The following SH3BP5 variants were observed in gnomAD, a reference collection of about 807,000 sequenced individuals.
SH3BP5 encodes the protein SH3 domain binding protein 5, also known as SH3 domain-binding protein 5.
Under a neutral mutation model 43.3 loss-of-function variants are expected in SH3BP5, and 22 were observed. The ratio of observed to expected loss-of-function variants is 0.51; its 90% CI spans 0.36 to 0.73. The LOEUF (loss-of-function observed/expected upper bound fraction) is 0.73. SH3BP5 is among the 30% of genes least tolerant of loss of function. The pLI is 0.00. For missense variants in SH3BP5, 529 were observed against 586.9 expected (o/e 0.90, Z 1.02); for synonymous variants, 255 against 225.8 (o/e 1.13, Z -1.16).
At chr3:15,257,736 A>G (rs1696270528) in intron 7 of SH3BP5, 1 of 152,296 alleles carries the variant, frequency 6.6e-6, no homozygotes, top group South Asian at 2.1e-4. Context: ...AGGCCCAGAC[A>G]CATGTTATTC....
chr3:15,260,685 T>A (rs1330710320), intron 5 of SH3BP5: 1 of 152,112 alleles, frequency 6.6e-6, no homozygotes, highest in Non-Finnish European at 1.5e-5. Flanking sequence ...TGAATGGGCA[T>A]CGGAGGGCAC....
chr3:15,327,598 T>C (rs188196358), intron 2 of SH3BP5, among the ~76,000 whole-genome samples: 3 of 152,330 alleles, frequency 2.0e-5, no homozygotes, highest in African/African-American at 7.2e-5. Context: ...CACTTCTTAC[T>C]GTAGCTATTA....
At chr3:15,328,102 C>T (rs761130405) in intron 2 of SH3BP5, among the ~76,000 whole-genome samples, 2 of 151,876 alleles carry the variant, frequency 1.3e-5, no homozygotes, top group Non-Finnish European at 2.9e-5. Flanking sequence ...GTTATAATAC[C>T]GTGAAAAGGC....
At chr3:15,318,211 T>C (rs1189953373) in intron 2 of SH3BP5, among the ~76,000 whole-genome samples, 4 of 152,216 alleles carry the variant, frequency 2.6e-5, no homozygotes, top group Non-Finnish European at 4.4e-5. Context: ...GTGGTTATTT[T>C]TACTTAGGTG....
chr3:15,304,056 G>A (rs112606088), intron 3 of SH3BP5, 47 bp downstream of exon 3: 1 of 1,513,646 alleles, frequency 6.6e-7, no homozygotes, highest in African/African-American at 1.4e-5. Flanking sequence ...TAAAACTGAG[G>A]GGTAGTGAGG....
chr3:15,260,009 G>GT, intron 5 of SH3BP5: 1 of 599,828 alleles, frequency 1.7e-6, no homozygotes, highest in South Asian at 2.0e-5. Flanking sequence ...GGCTCACCCA[G>GT]GGCTATATTA....
chr3:15,303,462 G>A (rs148584312), intron 3 of SH3BP5, among the ~76,000 whole-genome samples: 6 of 152,186 alleles, frequency 3.9e-5, no homozygotes, highest in South Asian at 2.1e-4. Flanking sequence ...GGCACATCGC[G>A]TCACACAGCA....
At chr3:15,303,296 A>G (rs1697803724) in intron 3 of SH3BP5, among the ~76,000 whole-genome samples, 1 of 152,346 alleles carries the variant, frequency 6.6e-6, no homozygotes, top group East Asian at 1.9e-4. Context: ...GGTGATTCAC[A>G]TTAGCTCTCT....
chr3:15,287,514 T>A (rs1697298290), intron 3 of SH3BP5, among the ~76,000 whole-genome samples: 1 of 152,240 alleles, frequency 6.6e-6, no homozygotes, highest in African/African-American at 2.4e-5. Flanking sequence ...ATGTTCTCTA[T>A]CTGCACCGTC....
chr3:15,288,327 G>A (rs1697320412), intron 3 of SH3BP5, among the ~76,000 whole-genome samples: 1 of 152,212 alleles, frequency 6.6e-6, no homozygotes, highest in African/African-American at 2.4e-5. Context: ...GCCCAGTCAA[G>A]CTGACACATA....
intron 2 of SH3BP5, among the ~76,000 whole-genome samples, chr3:15,322,065 A>G (rs1559458376): frequency 1.3e-5 from 2 of 152,062 alleles, no homozygotes; most frequent in Non-Finnish European, 2.9e-5. Context: ...TTAGCCAGGC[A>G]TGGTGGTGGG....
intron 5 of SH3BP5, 196 bp from the exon 6 acceptor site, chr3:15,259,999 G>A (rs893773129): frequency 8.2e-6 from 5 of 611,114 alleles, no homozygotes; most frequent in Non-Finnish European, 5.9e-6. Context: ...GGAACGACTG[G>A]GCTCACCCAG....
chr3:15,288,242 A>G (rs1460773355), intron 3 of SH3BP5, among the ~76,000 whole-genome samples: 3 of 152,210 alleles, frequency 2.0e-5, no homozygotes, highest in African/African-American at 7.2e-5. Flanking sequence ...CCACTGATTT[A>G]AACGTTAATG....
intron 2 of SH3BP5, among the ~76,000 whole-genome samples, chr3:15,318,870 C>G (rs1349195174): frequency 4.6e-5 from 7 of 152,252 alleles, no homozygotes; most frequent in African/African-American, 7.2e-5. Flanking sequence ...CTGCGCCCAG[C>G]CTCCTATGCT....
intron 7 of SH3BP5, 150 bp from the exon 8 acceptor site, chr3:15,257,263 G>T: frequency 1.3e-6 from 1 of 768,500 alleles, no homozygotes; most frequent in Non-Finnish European, 2.1e-6. Flanking sequence ...GACTTCCCAA[G>T]CCTGAATGAC....
intron 3 of SH3BP5, among the ~76,000 whole-genome samples, chr3:15,285,224 G>A (rs1405647055): frequency 3.3e-5 from 5 of 152,140 alleles, no homozygotes; most frequent in African/African-American, 9.7e-5. Flanking sequence ...ATGCATTTGC[G>A]ATTTTTTTCT....
intron 4 of SH3BP5, among the ~76,000 whole-genome samples, chr3:15,266,117 C>T (rs1211855911): frequency 6.6e-6 from 1 of 152,226 alleles, no homozygotes; most frequent in Non-Finnish European, 1.5e-5. Context: ...CACAGAGGGG[C>T]GGTCAGGAGC....
At chr3:15,290,859 A>C (rs1418764541) in intron 3 of SH3BP5, among the ~76,000 whole-genome samples, 1 of 152,188 alleles carries the variant, frequency 6.6e-6, no homozygotes. Context: ...AGAAACTAAT[A>C]AATATCAAAC....
At chr3:15,271,127 C>T (rs994810029) in intron 3 of SH3BP5, among the ~76,000 whole-genome samples, 2 of 151,640 alleles carry the variant, frequency 1.3e-5, no homozygotes, top group Admixed American at 6.6e-5. Flanking sequence ...ACCTCTATTC[C>T]AGCACTTTGG....
Sources: allele counts gnomAD v4.1 joint callset (sites outside exome capture counted in the v4.1 genomes callset), GRCh38; gene constraint gnomAD v4.1.1; transcripts MANE v1.5; gene names NCBI Gene and HGNC (gene_info 2026-07-23, HGNC 2026-07-21).